The following DNAJC6 variants were observed in gnomAD, a reference collection of about 807,000 sequenced individuals.
DNAJC6 encodes auxilin.
In DNAJC6, 34 loss-of-function variants were observed where a neutral mutation model predicts 110.0. The observed-to-expected ratio is 0.31, with a 90% CI of 0.24 to 0.41. DNAJC6 has a LOEUF of 0.41. DNAJC6 is among the 10% of genes least tolerant of loss of function. The pLI is 1.00. For missense variants in DNAJC6, 1,031 were observed against 1,207.8 expected (o/e 0.85, Z 2.17); for synonymous variants, 406 against 437.2 (o/e 0.93, Z 0.89).
intron 1 of DNAJC6, among the ~76,000 whole-genome samples, chr1:65,324,362 G>T (rs1025641411): frequency 6.6e-6 from 1 of 150,518 alleles, no homozygotes; most frequent in African/African-American, 2.5e-5. Flanking sequence ...TGTTTGTTTT[G>T]TTTTGTTTTT....
At chr1:65,368,676 C>CT in intron 4 of DNAJC6, among the ~76,000 whole-genome samples, 1 of 148,026 alleles carries the variant, frequency 6.8e-6, no homozygotes, top group Non-Finnish European at 1.5e-5. Context: ...TTCCTCTCTC[C>CT]CTTCCTCCCT....
intron 4 of DNAJC6, among the ~76,000 whole-genome samples, chr1:65,367,387 G>A (rs1645656949): frequency 6.6e-6 from 1 of 152,108 alleles, no homozygotes; most frequent in South Asian, 2.1e-4. Flanking sequence ...AAAATCTTCT[G>A]TAATAAAATA....
At chr1:65,268,844 T>G (rs944040019) in intron 1 of DNAJC6, among the ~76,000 whole-genome samples, 2 of 152,182 alleles carry the variant, frequency 1.3e-5, no homozygotes, top group Admixed American at 1.3e-4. Flanking sequence ...CAGCTCCAAA[T>G]TTTCTTTTTA....
chr1:65,338,928 C>G (rs1382160218), intron 1 of DNAJC6, among the ~76,000 whole-genome samples: 1 of 152,198 alleles, frequency 6.6e-6, no homozygotes, highest in Non-Finnish European at 1.5e-5. Flanking sequence ...TTCATCTTTG[C>G]AAACTCCAGC....
intron 1 of DNAJC6, among the ~76,000 whole-genome samples, chr1:65,289,812 GT>G (rs34346164): frequency 1.1e-3 from 156 of 137,936 alleles, no homozygotes; most frequent in Admixed American, 1.8e-3. Flanking sequence ...TGTCATTGTT[GT>G]TTTTTTTTTT....
upstream of DNAJC6, among the ~76,000 whole-genome samples, chr1:65,305,997 G>A: frequency 6.6e-6 from 1 of 152,050 alleles, no homozygotes; most frequent in Non-Finnish European, 1.5e-5. Flanking sequence ...AGAAAAATGA[G>A]GCAGAGAGGT....
At chr1:65,282,670 TG>T (rs1460980469) in intron 1 of DNAJC6, among the ~76,000 whole-genome samples, 2 of 152,346 alleles carry the variant, frequency 1.3e-5, no homozygotes, top group East Asian at 3.9e-4. Flanking sequence ...GCTGCACTAT[TG>T]GTGCAAAATC....
intron 4 of DNAJC6, among the ~76,000 whole-genome samples, chr1:65,378,596 A>AT (rs1645789277): frequency 2.0e-5 from 3 of 152,240 alleles, no homozygotes; most frequent in Admixed American, 2.0e-4. Context: ...TAGCTAGATT[A>AT]GTAAGTATGT....
intron 1 of DNAJC6, among the ~76,000 whole-genome samples, chr1:65,362,983 C>T (rs939019996): frequency 6.6e-6 from 1 of 152,204 alleles, no homozygotes; most frequent in Non-Finnish European, 1.5e-5. Flanking sequence ...AATTGATTCA[C>T]AGTTCCACAT....
At chr1:65,342,964 C>T (rs527864688) in intron 1 of DNAJC6, among the ~76,000 whole-genome samples, 1 of 152,274 alleles carries the variant, frequency 6.6e-6, no homozygotes, top group African/African-American at 2.4e-5. Flanking sequence ...TTTTGCGTTG[C>T]AGCTTTCAAC....
At chr1:65,364,073 T>C (rs1367795086) in intron 1 of DNAJC6, among the ~76,000 whole-genome samples, 1 of 152,120 alleles carries the variant, frequency 6.6e-6, no homozygotes, top group Non-Finnish European at 1.5e-5. Flanking sequence ...CTGCTCTTCC[T>C]CAGCAGTCTC....
intron 1 of DNAJC6, chr1:65,279,063 G>A: frequency 1.0e-6 from 1 of 985,324 alleles, no homozygotes; most frequent in Non-Finnish European, 1.2e-6. Context: ...TCATTTGACT[G>A]CATATGCTGA....
intron 1 of DNAJC6, among the ~76,000 whole-genome samples, chr1:65,276,407 A>C (rs1413693373): frequency 1.3e-5 from 2 of 152,298 alleles, no homozygotes; most frequent in African/African-American, 4.8e-5. Context: ...GGATGATGTC[A>C]TCTACCTGTT....
chr1:65,409,912 G>T (rs1442461032), intron 17 of DNAJC6, among the ~76,000 whole-genome samples: 1 of 151,966 alleles, frequency 6.6e-6, no homozygotes, highest in Non-Finnish European at 1.5e-5. Context: ...TTGCAATTCA[G>T]CGAATCTAAC....
intron 18 of DNAJC6, 107 bp downstream of exon 18, chr1:65,411,533 A>G: frequency 9.2e-7 from 1 of 1,084,512 alleles, no homozygotes; most frequent in Non-Finnish European, 1.3e-6. Flanking sequence ...TATTTTTAAT[A>G]AAATTAAGTC....
At chr1:65,362,607 A>G (rs187666905) in intron 1 of DNAJC6, among the ~76,000 whole-genome samples, 3 of 152,190 alleles carry the variant, frequency 2.0e-5, no homozygotes, top group African/African-American at 7.2e-5. Context: ...TTCCCTATGG[A>G]GTAGGCACAA....
chr1:65,333,682 C>T (rs528258428), intron 1 of DNAJC6, among the ~76,000 whole-genome samples: 2 of 151,832 alleles, frequency 1.3e-5, no homozygotes, highest in Non-Finnish European at 1.5e-5. Context: ...TTTTTTTCCT[C>T]CATGGATATT....
In DNAJC6 at chr1:65,310,018, C is replaced by G. The variant is rs889053401; in HGVS notation, c.193+80C>G. 1.1e-5 allele frequency: 15 copies of G among 1,367,028 alleles called. No individual in the cohort carries two copies. In the East Asian group the frequency reaches 1.5e-4, roughly 14 times the overall value. The allele number at this position is 1,367,028 out of a possible 1,614,324, so 84.7% of individuals were successfully genotyped here. A position where few individuals can be genotyped will look rare whatever the true frequency, so the allele number is the denominator to read the frequency against. On this transcript the variant is annotated intron_variant, in intron 1 of 18. Transcript: ENST00000371069. ...CCCAGTCGCCCGGCCCGAGGCCCCC[C>G]CGTGGTCCCCCAGCCCCGGTTTGCG...
chr1:65,310,695 G>C (rs1483694136), intron 1 of DNAJC6, among the ~76,000 whole-genome samples: 1 of 152,190 alleles, frequency 6.6e-6, no homozygotes, highest in African/African-American at 2.4e-5. Context: ...GCAAGTTAGA[G>C]TCCTCTCTTG....
Sources: gnomAD v4.1 joint callset for allele counts (sites outside exome capture counted in the v4.1 genomes callset) on GRCh38, gnomAD v4.1.1 for gene constraint, MANE v1.5 for transcripts, NCBI Gene and HGNC (gene_info 2026-07-23, HGNC 2026-07-21) for gene names.